Variants in WDR49 observed in about 807,000 individuals in gnomAD.
WDR49 encodes the protein cilia- and flagella-associated protein 337.
A neutral mutation model predicts 119.5 loss-of-function variants in WDR49; 107 were observed. The ratio of observed to expected loss-of-function variants is 0.90; its 90% confidence interval spans 0.77 to 1.05. The LOEUF is 1.05. WDR49 is among the 50% of genes least tolerant of loss of function. The pLI, the probability that WDR49 is intolerant of heterozygous loss-of-function variation, is 0.00. For synonymous variants in WDR49, 425 were observed against 418.8 expected, an observed-to-expected ratio of 1.01 and a Z score of -0.18; for missense variants, 1,240 against 1,220.5, an observed-to-expected ratio of 1.02 and a Z score of -0.24.
intron 13 of WDR49, among the ~76,000 whole-genome samples, chr3:167,530,345 T>C (rs1332024159): frequency 8.5e-5 from 13 of 152,082 alleles, no homozygotes. Flanking sequence ...GAAGATACGA[T>C]TGTTATTTTA....
At chr3:167,556,917 C>T (rs760302344) in intron 9 of WDR49, among the ~76,000 whole-genome samples, 24 of 152,026 alleles carry the variant, frequency 1.6e-4, no homozygotes, top group Non-Finnish European at 2.9e-4. Context: ...CCCAGCTACT[C>T]GGGAGGCTGA....
intron 16 of WDR49, among the ~76,000 whole-genome samples, chr3:167,517,097 G>T (rs994994593): frequency 2.0e-5 from 3 of 152,068 alleles, no homozygotes; most frequent in African/African-American, 7.2e-5. Flanking sequence ...GGGTAAATAG[G>T]AACACTTTTA....
chr3:167,593,054 TTTGA>T (rs1420515475), intron 7 of WDR49, among the ~76,000 whole-genome samples: 1 of 152,140 alleles, frequency 6.6e-6, no homozygotes, highest in Non-Finnish European at 1.5e-5. Context: ...CCTTTGGGAG[TTTGA>T]TTATTAAATG....
At chr3:167,521,419 C>T (rs971600085) in intron 16 of WDR49, among the ~76,000 whole-genome samples, 15 of 152,074 alleles carry the variant, frequency 9.9e-5, no homozygotes, top group Non-Finnish European at 2.9e-5. Flanking sequence ...TTTCCTTCTT[C>T]CCATCCTCAG....
intron 16 of WDR49, among the ~76,000 whole-genome samples, chr3:167,509,732 T>C (rs2108218317): frequency 6.6e-6 from 1 of 152,308 alleles, no homozygotes; most frequent in East Asian, 1.9e-4. Context: ...GATATTCTAA[T>C]ATGTGCACAT....
At chr3:167,632,592 CATG>C (rs775619336) in intron 2 of WDR49, among the ~76,000 whole-genome samples, 104 of 152,066 alleles carry the variant, frequency 6.8e-4, no homozygotes, top group Middle Eastern at 3.4e-3. Flanking sequence ...TTTCAAGAAG[CATG>C]ATGTTTTGAT....
At chr3:167,600,210 G>T (rs1041397261) in intron 7 of WDR49, among the ~76,000 whole-genome samples, 1 of 152,078 alleles carries the variant, frequency 6.6e-6, no homozygotes, top group Non-Finnish European at 1.5e-5. Context: ...CTGGGGTTGG[G>T]GGAGTCGTGG....
At chr3:167,615,292 C>T (rs1716540365) in intron 5 of WDR49, among the ~76,000 whole-genome samples, 1 of 152,158 alleles carries the variant, frequency 6.6e-6, no homozygotes, top group Admixed American at 6.5e-5. Flanking sequence ...CATGCCACCA[C>T]ACTCAGCTAA....
intron 18 of WDR49, among the ~76,000 whole-genome samples, chr3:167,483,820 A>C (rs1750817266): frequency 6.6e-6 from 1 of 152,084 alleles, no homozygotes; most frequent in Non-Finnish European, 1.5e-5. Flanking sequence ...TAATACTCAA[A>C]GGGTCTTTAT....
At chr3:167,548,112 C>T (rs372832367) in intron 10 of WDR49, among the ~76,000 whole-genome samples, 1 of 151,994 alleles carries the variant, frequency 6.6e-6, no homozygotes, top group African/African-American at 2.4e-5. Context: ...CTTGTAGGGT[C>T]CATTTTCATT....
intron 7 of WDR49, among the ~76,000 whole-genome samples, chr3:167,581,409 C>CT (rs768695015): frequency 1.6e-4 from 24 of 152,164 alleles, no homozygotes; most frequent in Non-Finnish European, 3.1e-4. Context: ...GAAGGGGCCC[C>CT]TACCAACTCT....
intron 3 of WDR49, among the ~76,000 whole-genome samples, chr3:167,622,904 A>T (rs1162984737): frequency 6.6e-6 from 1 of 152,168 alleles, no homozygotes; most frequent in Admixed American, 6.6e-5. Context: ...TAGAAATTTC[A>T]TTCAACAAAA....
chr3:167,530,913 T>C (rs1188600354), intron 13 of WDR49, among the ~76,000 whole-genome samples: 1 of 152,070 alleles, frequency 6.6e-6, no homozygotes, highest in Admixed American at 6.6e-5. Context: ...GATAAATTAG[T>C]AGTGGGATGT....
intron 2 of WDR49, among the ~76,000 whole-genome samples, chr3:167,646,330 A>G (rs1718127592): frequency 6.6e-6 from 1 of 152,128 alleles, no homozygotes; most frequent in African/African-American, 2.4e-5. Flanking sequence ...GTGAAGAGAA[A>G]TATTTTCTGC....
intron 16 of WDR49, among the ~76,000 whole-genome samples, chr3:167,519,701 G>C (rs1332442114): frequency 6.6e-6 from 1 of 151,902 alleles, no homozygotes; most frequent in Non-Finnish European, 1.5e-5. Context: ...TTAATACTTA[G>C]GTTATAGGTC....
intron 18 of WDR49, among the ~76,000 whole-genome samples, chr3:167,497,991 G>T (rs112523883): frequency 0.038 from 5,777 of 151,028 alleles, 179 homozygotes; most frequent in Non-Finnish European, 0.058. Context: ...ACAGGCACGT[G>T]CTACCATGCC....
At chr3:167,490,586 A>T (rs1343963431) in intron 18 of WDR49, among the ~76,000 whole-genome samples, 1 of 152,132 alleles carries the variant, frequency 6.6e-6, no homozygotes, top group East Asian at 1.9e-4. Context: ...TGCTAGATTT[A>T]AAATTATACT....
intron 10 of WDR49, among the ~76,000 whole-genome samples, chr3:167,551,593 T>G (rs1198152159): frequency 6.6e-6 from 1 of 151,986 alleles, no homozygotes; most frequent in Non-Finnish European, 1.5e-5. Context: ...CCTACTAACT[T>G]TGTCACCTTG....
chr3:167,548,174 T>A (rs1397184910), intron 10 of WDR49, among the ~76,000 whole-genome samples: 3 of 152,026 alleles, frequency 2.0e-5, no homozygotes, highest in Admixed American at 2.0e-4. Flanking sequence ...TGGTACATTT[T>A]ACACAAAATT....
Sources: gnomAD v4.1 joint callset for allele counts (sites outside exome capture counted in the v4.1 genomes callset) on GRCh38, gnomAD v4.1.1 for gene constraint, MANE v1.5 for transcripts, NCBI Gene and HGNC (gene_info 2026-07-23, HGNC 2026-07-21) for gene names.